KLF3: variants seen among roughly 807,000 people sequenced by gnomAD.
KLF3 encodes KLF transcription factor 3.
KLF3 carries 6 observed loss-of-function variants against 32.7 expected under a neutral mutation model. That is an observed-to-expected ratio of 0.18 (90% CI 0.10 to 0.36). The LOEUF is 0.36. KLF3 is among the 10% of genes least tolerant of loss of function. The pLI is 1.00. For synonymous variants in KLF3, 145 were observed against 172.8 expected, an observed-to-expected ratio of 0.84 and a Z score of 1.26; for missense variants, 338 against 449.7, an observed-to-expected ratio of 0.75 and a Z score of 2.25.
chr4:38,683,565 G>GTT (rs397879531), intron 2 of KLF3, among the ~76,000 whole-genome samples: 49 of 139,950 alleles, frequency 3.5e-4, no homozygotes, highest in African/African-American at 9.4e-4. Flanking sequence ...CCGAGCTTCT[G>GTT]TTTTTTTTTT....
intron 1 of KLF3, among the ~76,000 whole-genome samples, chr4:38,675,379 A>G (rs1722311678): frequency 7.4e-6 from 1 of 135,400 alleles, no homozygotes; most frequent in Non-Finnish European, 1.7e-5. Flanking sequence ...TCATAAAAAC[A>G]ATTTTGCCCT....
At chr4:38,666,937 G>C (rs1722063620) in intron 1 of KLF3, among the ~76,000 whole-genome samples, 1 of 152,204 alleles carries the variant, frequency 6.6e-6, no homozygotes, top group African/African-American at 2.4e-5. Context: ...AATTTGATCT[G>C]AGCTAGGGAC....
chr4:38,690,000 G>A, intron 4 of KLF3, 121 bp downstream of exon 4: 1 of 965,320 alleles, frequency 1.0e-6, no homozygotes, highest in East Asian at 2.5e-5. Context: ...CTTGTGATCT[G>A]TGGCCGCCAC....
chr4:38,684,547 T>G, intron 2 of KLF3, among the ~76,000 whole-genome samples: 1 of 149,464 alleles, frequency 6.7e-6, no homozygotes. Flanking sequence ...TTGTGTTTTT[T>G]TTTTTTTTTT....
intron 1 of KLF3, among the ~76,000 whole-genome samples, chr4:38,670,640 C>G (rs1416721649): frequency 6.6e-6 from 1 of 152,210 alleles, no homozygotes; most frequent in Non-Finnish European, 1.5e-5. Context: ...GTTCCTGTTC[C>G]GCTGAGTTTC....
chr4:38,665,912 A>G (rs901017023), intron 1 of KLF3, among the ~76,000 whole-genome samples: 2 of 152,240 alleles, frequency 1.3e-5, no homozygotes, highest in African/African-American at 2.4e-5. Context: ...GCTAGCATTA[A>G]TATCTACAAA....
At chr4:38,686,443 C>CAAAAAAAAA (rs61128677) in intron 2 of KLF3, among the ~76,000 whole-genome samples, 1 of 100,960 alleles carries the variant, frequency 9.9e-6, no homozygotes, top group Non-Finnish European at 2.0e-5. Flanking sequence ...GACCCTATCT[C>CAAAAAAAAA]AAAAAAAAAA....
At chr4:38,669,136 C>T (rs1214704339) in intron 1 of KLF3, among the ~76,000 whole-genome samples, 1 of 152,188 alleles carries the variant, frequency 6.6e-6, no homozygotes, top group African/African-American at 2.4e-5. Flanking sequence ...CACACAACCT[C>T]ATTCTTTAAG....
intron 1 of KLF3, among the ~76,000 whole-genome samples, chr4:38,666,652 C>T (rs1323041120): frequency 1.3e-5 from 2 of 152,128 alleles, no homozygotes; most frequent in African/African-American, 2.4e-5. Flanking sequence ...TCTTAAAAGG[C>T]GAATTTCTAT....
chr4:38,686,030 T>C (rs960453263), intron 2 of KLF3, among the ~76,000 whole-genome samples: 1 of 152,214 alleles, frequency 6.6e-6, no homozygotes, highest in Non-Finnish European at 1.5e-5. Flanking sequence ...GTGCCTGGCT[T>C]TAAAGAAAGG....
In KLF3 at chr4:38,700,499, G is replaced by A. The variant is rs1010828839; in HGVS notation, c.*3236G>A. On this transcript the variant is annotated 3_prime_UTR_variant, in exon 6 of 6. Transcript: ENST00000261438. ...CCGAGCTGTCTTTATTCTCTTCTTGGTCAAGGTTAACAATTGCTAAATGAT... is the reference window on the plus strand; with the variant it reads ...CCGAGCTGTCTTTATTCTCTTCTTGATCAAGGTTAACAATTGCTAAATGAT... The A allele has an allele frequency of 4.6e-5, 7 of 152,114 alleles. No homozygotes were observed. Among genetic ancestry groups the A allele is most frequent in the African/African-American group, 1.4e-4 (6 of 41,416 alleles). The allele number at this position is 152,114 out of a possible 1,614,324, so 9.4% of individuals were successfully genotyped here. A position where few individuals can be genotyped will look rare whatever the true frequency, so the allele number is the denominator to read the frequency against.
chr4:38,671,793 C>T lies in KLF3; in HGVS notation c.-40+7332C>T, dbSNP rs1295561876. ...AACAGCGCCTGGGGATTGCCAATCA[C>T]GAAGGTGGTGGTGATTGGCAGGAAA... On this transcript the variant is annotated intron_variant, in intron 1 of 5. Transcript: ENST00000261438. The surrounding 1 kb of genome is among the most constrained non-coding windows in gnomAD (Gnocchi z 4.4). Among the ~76,000 whole-genome samples the T allele has an allele frequency of 2.0e-5, 3 of 152,300 alleles. No homozygotes were observed. The highest frequency in any genetic ancestry group is 2.1e-4 in the South Asian group (1 of 4,824).
Position 38,697,140 on chromosome 4 carries a change from T to C in KLF3, c.915T>C (p.Asp305=). 6.2e-7 allele frequency: 1 copy of C among 1,614,096 alleles called. No individual in the cohort carries two copies. Among genetic ancestry groups the C allele is most frequent in the South Asian group, 1.1e-5 (1 of 91,084 alleles). ...GCACATGGAAGTTTGCTCGGTCTGA[T>C]GAACTAACAAGACATTTCCGAAAAC... ...EGCTWKFARS[D]ELTRHFRKHT... The change falls in exon 6 of 6, where the codon GAT becomes GAC. Residue 305 remains aspartate, a synonymous_variant. Coordinates refer to ENST00000261438, the MANE Select transcript of KLF3 (RefSeq NM_016531.6).
chr4:38,693,423 C>T (rs896205492), intron 4 of KLF3, among the ~76,000 whole-genome samples: 1 of 151,066 alleles, frequency 6.6e-6, no homozygotes, highest in Non-Finnish European at 1.5e-5. Flanking sequence ...CACTTCTTAG[C>T]ATGCCTGAAA....
chr4:38,696,155 A>G (rs947102305), intron 5 of KLF3, among the ~76,000 whole-genome samples: 13 of 140,874 alleles, frequency 9.2e-5, no homozygotes, highest in Non-Finnish European at 1.2e-4. Flanking sequence ...TTAAAAGGAC[A>G]TTGAATATTT....
chr4:38,680,496 GAGCCACC>G, intron 1 of KLF3, 84 bp from the exon 2 acceptor site: 1 of 649,110 alleles, frequency 1.5e-6, no homozygotes, highest in Non-Finnish European at 2.9e-6. Context: ...TTACAGGGGT[GAGCCACC>G]TTGCCCAGGC....
chr4:38,693,343 T>C (rs1278828422), intron 4 of KLF3, among the ~76,000 whole-genome samples: 1 of 142,176 alleles, frequency 7.0e-6, no homozygotes. Flanking sequence ...ATAAATAATG[T>C]TTTTTTTAAA....
chr4:38,696,956 G>A, intron 5 of KLF3, 126 bp from the exon 6 acceptor site: 1 of 735,374 alleles, frequency 1.4e-6, no homozygotes, highest in Non-Finnish European at 2.2e-6. Flanking sequence ...AGTTTATAAT[G>A]CACTGTGTTA....
rs1723150393 is a variant in KLF3 at position 38,699,795 on chromosome 4, T to C, written c.*2532T>C. ...CTGGTCAATACGCTTTCATTACCAA[T>C]TGGCCCTTACCAAACTTTTCTTATA... On this transcript the variant is annotated 3_prime_UTR_variant, in exon 6 of 6. Transcript: ENST00000261438. The C allele has an allele frequency of 6.6e-6, 1 of 152,214 alleles. No homozygotes were observed. Among genetic ancestry groups the C allele is most frequent in the Non-Finnish European group, 1.5e-5 (1 of 68,036 alleles). The allele number at this position is 152,214 out of a possible 1,614,324, so 9.4% of individuals were successfully genotyped here. A position where few individuals can be genotyped will look rare whatever the true frequency, so the allele number is the denominator to read the frequency against.
Sources: gnomAD v4.1 joint callset for allele counts (sites outside exome capture counted in the v4.1 genomes callset) on GRCh38, gnomAD v4.1.1 for gene constraint, Gnocchi (gnomAD v3.1) non-coding constraint, MANE v1.5 for transcripts, NCBI Gene and HGNC (gene_info 2026-07-23, HGNC 2026-07-21) for gene names.